Variants in GPR39 observed in about 807,000 individuals in gnomAD.
GPR39 encodes the protein G protein-coupled receptor 39, also known as zinc sensing receptor.
In GPR39, 23 loss-of-function variants were observed where a neutral mutation model predicts 18.4. The observed-to-expected ratio is 1.25, with a 90% CI of 0.90 to 1.77. The LOEUF is 1.77. Among genes scored for constraint, GPR39 ranks in the 40% most tolerant of loss-of-function variants. GPR39 has a pLI of 0.00. For synonymous variants in GPR39, 280 were observed against 257.9 expected (o/e 1.09, Z -0.82); for missense variants, 647 against 602.4 (o/e 1.07, Z -0.78).
intron 1 of GPR39, chr2:132,523,706 T>G (rs1328612786): frequency 6.6e-6 from 1 of 152,282 alleles, no homozygotes; most frequent in Non-Finnish European, 1.5e-5. Context: ...CGGGTGTCCC[T>G]TTCCTCCCTC....
chr2:132,526,078 GT>G (rs1256277277), intron 1 of GPR39, among the ~76,000 whole-genome samples: 1 of 152,148 alleles, frequency 6.6e-6, no homozygotes, highest in African/African-American at 2.4e-5. Flanking sequence ...AACTTACTTG[GT>G]GGCAAAACCT....
intron 1 of GPR39, among the ~76,000 whole-genome samples, chr2:132,505,106 G>T (rs1679110411): frequency 6.6e-6 from 1 of 152,210 alleles, no homozygotes; most frequent in African/African-American, 2.4e-5. Flanking sequence ...AGTTATGGAG[G>T]CTGAGAAATT....
At chr2:132,521,087 C>G (rs1034321011) in intron 1 of GPR39, among the ~76,000 whole-genome samples, 3 of 152,182 alleles carry the variant, frequency 2.0e-5, no homozygotes. Flanking sequence ...GGGCTTCGTC[C>G]TCATGGTCAC....
At chr2:132,539,972 C>T (rs1172992225) in intron 1 of GPR39, among the ~76,000 whole-genome samples, 1 of 152,080 alleles carries the variant, frequency 6.6e-6, no homozygotes, top group Non-Finnish European at 1.5e-5. Context: ...ACATGTGGCA[C>T]AAGAGGCCAA....
Position 132,472,162 on chromosome 2 carries a change from G to A in GPR39, c.856+54264G>A, listed in dbSNP as rs556607376. 2.8e-4 allele frequency among the ~76,000 whole-genome samples: 42 copies of A among 152,328 alleles called. No homozygotes were observed. The East Asian group carries it at 7.7e-3, about 28-fold the overall frequency. Reference sequence around the variant, plus strand: ...CCTCCATTCCTGGGCAAGTAGTAGGGAGTGGAAGAGAGATGCCAGCTGACA... The same window carrying A: ...CCTCCATTCCTGGGCAAGTAGTAGGAAGTGGAAGAGAGATGCCAGCTGACA... On this transcript the variant is annotated intron_variant, in intron 1 of 1. Coordinates refer to ENST00000329321, the MANE Select transcript of GPR39 (RefSeq NM_001508.3).
chr2:132,454,296 G>A (rs1680681382), intron 1 of GPR39, among the ~76,000 whole-genome samples: 1 of 152,182 alleles, frequency 6.6e-6, no homozygotes, highest in African/African-American at 2.4e-5. Context: ...TGTTAATGGT[G>A]TATAGGAATG....
At chr2:132,480,613 A>G (rs1418028184) in intron 1 of GPR39, among the ~76,000 whole-genome samples, 1 of 152,144 alleles carries the variant, frequency 6.6e-6, no homozygotes, top group Non-Finnish European at 1.5e-5. Flanking sequence ...TGGCACCTGC[A>G]GGAAACTCGA....
chr2:132,582,141 G>A (rs1395104340), intron 1 of GPR39, among the ~76,000 whole-genome samples: 11 of 152,174 alleles, frequency 7.2e-5, no homozygotes, highest in Non-Finnish European at 1.0e-4. Context: ...AGGTGGCCAC[G>A]TCTGGGCTGT....
intron 1 of GPR39, among the ~76,000 whole-genome samples, chr2:132,566,223 C>T (rs1205263222): frequency 6.8e-6 from 1 of 147,258 alleles, no homozygotes; most frequent in Admixed American, 6.9e-5. Context: ...CTGTTCATGT[C>T]CTTCACCCAC....
intron 1 of GPR39, among the ~76,000 whole-genome samples, chr2:132,439,334 A>G (rs1680393184): frequency 6.6e-6 from 1 of 152,232 alleles, no homozygotes; most frequent in South Asian, 2.1e-4. Context: ...AAATAAAGGT[A>G]CCTGGGTAGA....
intron 1 of GPR39, among the ~76,000 whole-genome samples, chr2:132,480,113 T>C (rs769843595): frequency 6.6e-6 from 1 of 152,204 alleles, no homozygotes; most frequent in Non-Finnish European, 1.5e-5. Context: ...TACTATAATG[T>C]GGATGAACCT....
At chr2:132,587,287 A>G (rs573765230) in intron 1 of GPR39, among the ~76,000 whole-genome samples, 1 of 152,366 alleles carries the variant, frequency 6.6e-6, no homozygotes, top group South Asian at 2.1e-4. Flanking sequence ...CCAAGGTTCT[A>G]CAGCACATTA....
chr2:132,541,627 C>T (rs3109131), intron 1 of GPR39, among the ~76,000 whole-genome samples: 9,998 of 152,120 alleles, frequency 0.066, 535 homozygotes, highest in African/African-American at 0.15. Flanking sequence ...GTGTGTGTAA[C>T]CCACAGAGGA....
chr2:132,625,915 C>T (rs1681534561), intron 1 of GPR39, among the ~76,000 whole-genome samples: 1 of 152,078 alleles, frequency 6.6e-6, no homozygotes, highest in Non-Finnish European at 1.5e-5. Context: ...TCCTGGCTAA[C>T]ACGGTGAAAC....
intron 1 of GPR39, among the ~76,000 whole-genome samples, chr2:132,612,608 C>G (rs958197249): frequency 6.6e-6 from 1 of 152,202 alleles, no homozygotes; most frequent in African/African-American, 2.4e-5. Flanking sequence ...ACTTCTTCAC[C>G]TATGGTTCTA....
intron 1 of GPR39, among the ~76,000 whole-genome samples, chr2:132,639,112 T>C (rs1339052373): frequency 6.6e-6 from 1 of 152,156 alleles, no homozygotes; most frequent in African/African-American, 2.4e-5. Flanking sequence ...ACCATTCTCC[T>C]AGCCCTTAGA....
chr2:132,421,940 G>A (rs1680017858), intron 1 of GPR39, among the ~76,000 whole-genome samples: 1 of 152,132 alleles, frequency 6.6e-6, no homozygotes, highest in Non-Finnish European at 1.5e-5. Flanking sequence ...CCTTTAAAGT[G>A]GGGTTGAAAA....
intron 1 of GPR39, among the ~76,000 whole-genome samples, chr2:132,573,774 G>A (rs555978816): frequency 1.3e-5 from 2 of 152,190 alleles, no homozygotes; most frequent in Non-Finnish European, 2.9e-5. Flanking sequence ...AGCTGCCACC[G>A]ATAGGGGTAA....
At chr2:132,579,049 C>G (rs908328883) in intron 1 of GPR39, among the ~76,000 whole-genome samples, 105 of 151,342 alleles carry the variant, frequency 6.9e-4, no homozygotes, top group African/African-American at 2.5e-3. Context: ...AGGGTGGAAG[C>G]CTAGATTATT....
Sources: allele counts gnomAD v4.1 joint callset (sites outside exome capture counted in the v4.1 genomes callset), GRCh38; gene constraint gnomAD v4.1.1; transcripts MANE v1.5; gene names NCBI Gene and HGNC (gene_info 2026-07-23, HGNC 2026-07-21).